Variants in PEX3 observed in about 807,000 individuals in gnomAD.
PEX3 encodes the protein peroxin-3.
A neutral mutation model predicts 55.8 loss-of-function variants in PEX3; 30 were observed. The observed-to-expected ratio is 0.54, with a 90% CI of 0.40 to 0.73. The LOEUF is 0.73. PEX3 is among the 30% of genes least tolerant of loss of function. The pLI is 0.00. For missense variants in PEX3, 351 were observed against 432.8 expected, an observed-to-expected ratio of 0.81 and a Z score of 1.68; for synonymous variants, 135 against 148.4, an observed-to-expected ratio of 0.91 and a Z score of 0.66.
chr6:143,478,712 A>T (rs1780187113), intron 9 of PEX3, among the ~76,000 whole-genome samples: 1 of 152,092 alleles, frequency 6.6e-6, no homozygotes. Context: ...TCTGTACACA[A>T]TAATATTTTC....
chr6:143,474,979 C>A, intron 9 of PEX3, 123 bp downstream of exon 9: 3 of 573,512 alleles, frequency 5.2e-6, no homozygotes, highest in South Asian at 4.6e-5. Flanking sequence ...ATTTTTGACT[C>A]TGTTCCCCAG....
chr6:143,468,820 A>ACGACAGGCCCCGGTGT (rs1780030317), intron 4 of PEX3, among the ~76,000 whole-genome samples: 1 of 47,960 alleles, frequency 2.1e-5, no homozygotes, highest in Admixed American at 2.0e-4. Flanking sequence ...CCCCCACCCC[A>ACGACAGGCCCCGGTGT]CGACAGGCCC....
intron 4 of PEX3, among the ~76,000 whole-genome samples, chr6:143,470,263 T>A (rs1417358997): frequency 6.6e-6 from 1 of 152,144 alleles, no homozygotes; most frequent in Non-Finnish European, 1.5e-5. Context: ...TTTCTTATAA[T>A]CCTTATGACC....
Position 143,454,233 on chromosome 6 carries a change from A to G in PEX3, c.73+3118A>G, listed in dbSNP as rs900046006. 3.9e-5 allele frequency among the ~76,000 whole-genome samples: 6 copies of G among 152,138 alleles called. No individual in the cohort carries two copies. The highest frequency in any genetic ancestry group is 1.5e-5 in the Non-Finnish European group (1 of 68,014). On this transcript the variant is annotated intron_variant, in intron 1 of 11. Transcript: ENST00000367591. This position sits in a 1 kb window ranked among gnomAD's most constrained non-coding sequence, Gnocchi z 4.3. The stretch of plus-strand genomic sequence containing the variant: ...CATCATGTAACCTCTCAATTACTCC[A>G]CTGTATACGCATGAGAGAATGAGAA...
rs138818706 is a variant in PEX3, at chr6:143,454,928, A to G, written c.73+3813A>G. On this transcript the variant is annotated intron_variant, in intron 1 of 11. Transcript: ENST00000367591. This position sits in a 1 kb window ranked among gnomAD's most constrained non-coding sequence, Gnocchi z 4.3. ...GTACAGATTGTGAAGGGCCTTATGA[A>G]GCCATTCTACATAATTTGGACATTA... Among the ~76,000 whole-genome samples, 2 of 152,368 alleles carry G rather than the reference A, an allele frequency of 1.3e-5. No homozygotes were observed. The highest frequency in any genetic ancestry group is 1.5e-5 in the Non-Finnish European group (1 of 68,040).
rs1042927559 is a variant in PEX3 at position 143,479,336 on chromosome 6, A to G, written c.941+138A>G. ...TTTTTAACAAATTAAACTCTGTTAA[A>G]CCAACAACTTCTTCACTAGCAGAAG... On this transcript the variant is annotated intron_variant, in intron 10 of 11. Coordinates refer to ENST00000367591, the MANE Select transcript of PEX3 (RefSeq NM_003630.3). This position sits in a 1 kb window ranked among gnomAD's most constrained non-coding sequence, Gnocchi z 4.6. 4.5e-6 allele frequency: 3 copies of G among 663,428 alleles called. No individual in the cohort carries two copies. The highest frequency in any genetic ancestry group is 2.4e-5 in the Admixed American group (1 of 41,386). The allele number at this position is 663,428 out of a possible 1,614,324, so 41.1% of individuals were successfully genotyped here.
chr6:143,484,476 G>A, intron 10 of PEX3, among the ~76,000 whole-genome samples: 3 of 151,970 alleles, frequency 2.0e-5, no homozygotes, highest in African/African-American at 7.3e-5. Context: ...AGAAGTGCCA[G>A]GGATAATGCC....
intron 10 of PEX3, among the ~76,000 whole-genome samples, chr6:143,480,528 C>T (rs753027303): frequency 1.6e-4 from 24 of 152,248 alleles, no homozygotes; most frequent in South Asian, 4.1e-4. Context: ...AGCCTCCTCT[C>T]AAAAGTCAAA....
At position 143,482,686 on chromosome 6, in the gene PEX3, A is replaced by G. The variant is rs1046297756; in HGVS notation, c.942-2466A>G. Among the ~76,000 whole-genome samples the G allele has an allele frequency of 3.9e-5, 6 of 151,972 alleles. No individual in the cohort carries two copies. The highest frequency in any genetic ancestry group is 8.8e-5 in the Non-Finnish European group (6 of 67,918). On this transcript the variant is annotated intron_variant, in intron 10 of 11. Coordinates refer to ENST00000367591, the MANE Select transcript of PEX3 (RefSeq NM_003630.3). This position sits in a 1 kb window ranked among gnomAD's most constrained non-coding sequence, Gnocchi z 5.5. The stretch of plus-strand genomic sequence containing the variant: ...GTAAGTCAGTGAAATAGAATGTAAA[A>G]TCCAGAAGTAGCCCTAAAAATTGTA...
chr6:143,472,364 C>T, intron 8 of PEX3, 36 bp downstream of exon 8: 1 of 1,479,156 alleles, frequency 6.8e-7, no homozygotes, highest in Non-Finnish European at 9.4e-7. Flanking sequence ...AAACCAGTTA[C>T]TCTATTCTTT....
intron 2 of PEX3, among the ~76,000 whole-genome samples, chr6:143,460,603 G>A (rs745692545): frequency 2.0e-5 from 3 of 152,088 alleles, no homozygotes; most frequent in Admixed American, 6.5e-5. Flanking sequence ...GGTGGCTCAC[G>A]CCTGTAATCC....
intron 7 of PEX3, 113 bp from the exon 8 acceptor site, chr6:143,472,047 C>T: frequency 1.3e-6 from 1 of 753,650 alleles, no homozygotes; most frequent in African/African-American, 1.7e-5. Context: ...TCAGCAGTTA[C>T]AGGTGTAAGC....
In PEX3 at chr6:143,450,837, C is replaced by T. The variant is rs760826777; in HGVS notation, c.-206C>T. ...GGCGGCGGCTGCGCGGCGGCAGCGG[C>T]AGAAAGCGTAGCTGCTTTGCTGTAG... is the stretch of plus-strand genomic sequence containing the variant. On this transcript the variant is annotated 5_prime_UTR_variant, in exon 1 of 12. Coordinates refer to ENST00000367591, the MANE Select transcript of PEX3 (RefSeq NM_003630.3). 3.9e-6 allele frequency: 3 copies of T among 759,642 alleles called. No individual in the cohort carries two copies. The highest frequency in any genetic ancestry group is 4.4e-6 in the Non-Finnish European group (2 of 450,760). 47.1% of individuals were successfully genotyped at this position (759,642 alleles called of 1,614,324 possible). A position where few individuals can be genotyped will look rare whatever the true frequency, so the allele number is the denominator to read the frequency against.
intron 8 of PEX3, 92 bp downstream of exon 8, chr6:143,472,420 GGTAA>G: frequency 1.1e-6 from 1 of 884,744 alleles, no homozygotes; most frequent in East Asian, 2.5e-5. Flanking sequence ...TCTCTTGAAA[GGTAA>G]GTGATTGAAA....
Position 143,487,728 on chromosome 6 carries a change from T to A in PEX3, c.1039-1415T>A, listed in dbSNP as rs2128748266. On this transcript the variant is annotated intron_variant, in intron 11 of 11. Coordinates refer to ENST00000367591, the MANE Select transcript of PEX3 (RefSeq NM_003630.3). This position sits in a 1 kb window ranked among gnomAD's most constrained non-coding sequence, Gnocchi z 5.3. ...ATTTTCTGAAGCTGACTTGCTAGTA[T>A]TTTTTTTTTTATCTACTGTAACTAT... Among the ~76,000 whole-genome samples the A allele has an allele frequency of 6.8e-6, 1 of 146,760 alleles. No homozygotes were observed. Among genetic ancestry groups the A allele is most frequent in the South Asian group, 2.1e-4 (1 of 4,712 alleles).
Position 143,471,498 on chromosome 6 carries a change from T to G in PEX3, c.523+49T>G, listed in dbSNP as rs1230128697. ...TATACTAATTTTAATTCATTTATTT[T>G]TATTATTGAGGAATTTTTAAACTAA... On this transcript the variant is annotated intron_variant, in intron 6 of 11. Transcript: ENST00000367591. This position sits in a 1 kb window ranked among gnomAD's most constrained non-coding sequence, Gnocchi z 5.4. 1.8e-5 allele frequency: 28 copies of G among 1,565,456 alleles called. No individual in the cohort carries two copies. The Admixed American group carries it at 4.3e-4, about 24-fold the overall frequency.
At chr6:143,472,530 T>TTCTGCC (rs1780088599) in intron 8 of PEX3, among the ~76,000 whole-genome samples, 1 of 152,200 alleles carries the variant, frequency 6.6e-6, no homozygotes, top group Non-Finnish European at 1.5e-5. Flanking sequence ...ATTTTAGATA[T>TTCTGCC]TCAGTACATT....
chr6:143,461,592 A>G (rs1340173755), intron 2 of PEX3, among the ~76,000 whole-genome samples: 1 of 151,500 alleles, frequency 6.6e-6, no homozygotes, highest in Non-Finnish European at 1.5e-5. Flanking sequence ...AAAAAAAAAA[A>G]AAGAGTGCTT....
rs1780087272 is a variant in PEX3 at position 143,472,414 on chromosome 6, T to C, written c.747+86T>C. ...CTTGAAATTTTGATTTCTGAGTCTC[T>C]TGAAAGGTAAGTGATTGAAAAGCAT... On this transcript the variant is annotated intron_variant, in intron 8 of 11. Transcript: ENST00000367591. 1.1e-5 allele frequency: 10 copies of C among 931,510 alleles called. No individual in the cohort carries two copies. In the South Asian group the frequency reaches 1.4e-4, roughly 13 times the overall value. The allele number at this position is 931,510 out of a possible 1,614,324, so 57.7% of individuals were successfully genotyped here. A position where few individuals can be genotyped will look rare whatever the true frequency, so the allele number is the denominator to read the frequency against.
Sources: gnomAD v4.1 joint callset for allele counts (sites outside exome capture counted in the v4.1 genomes callset) on GRCh38, gnomAD v4.1.1 for gene constraint, Gnocchi (gnomAD v3.1) non-coding constraint, MANE v1.5 for transcripts, NCBI Gene and HGNC (gene_info 2026-07-23, HGNC 2026-07-21) for gene names.